KCTD21: variants seen among roughly 807,000 people sequenced by gnomAD.
KCTD21 encodes potassium channel tetramerization domain containing 21.
A neutral mutation model predicts 13.2 loss-of-function variants in KCTD21; 9 were observed. The observed-to-expected ratio is 0.68, with a 90% CI of 0.41 to 1.19. The LOEUF is 1.19. KCTD21 is among the 50% of genes most tolerant of loss of function. The probability of loss-of-function intolerance (pLI) is 0.01; values close to 1 mark genes in which losing one functional copy is unlikely to be tolerated. For synonymous variants in KCTD21, 142 were observed against 137.4 expected (o/e 1.03, Z -0.23); for missense variants, 303 against 336.5 (o/e 0.90, Z 0.78).
intron 1 of KCTD21, among the ~76,000 whole-genome samples, chr11:78,175,746 A>C (rs1191423848): frequency 6.6e-6 from 1 of 151,888 alleles, no homozygotes; most frequent in Admixed American, 6.6e-5. Context: ...TTTAAATTTT[A>C]TTATTATTAA....
chr11:78,182,709 T>G (rs1862666168), intron 1 of KCTD21, among the ~76,000 whole-genome samples: 1 of 152,160 alleles, frequency 6.6e-6, no homozygotes, highest in Non-Finnish European at 1.5e-5. Context: ...ATTCTTGACC[T>G]CAGAGTCATG....
intron 1 of KCTD21, among the ~76,000 whole-genome samples, chr11:78,181,140 A>G (rs1201801615): frequency 6.6e-6 from 1 of 152,202 alleles, no homozygotes; most frequent in South Asian, 2.1e-4. Context: ...TACAGCATAC[A>G]ATTATCACGT....
At chr11:78,188,196 C>T (rs943359134) in intron 1 of KCTD21, 2 of 985,154 alleles carry the variant, frequency 2.0e-6, no homozygotes, top group Non-Finnish European at 2.4e-6. Context: ...TTGTTCCGCA[C>T]CCACTCCCCA....
In KCTD21 at chr11:78,173,895, G is replaced by A. The variant is rs1862359894; in HGVS notation, c.660C>T (p.Phe220=). ...VVPANKQINS[F]QVFVEEVLKI... is the part of the protein sequence containing the mutation. ...TCAGTACCTCTTCCACGAAGACCTG[G>A]AAGCTGTTGATCTGCTTGTTGGCGG... The change falls in exon 2 of 2, where the codon TTC becomes TTT. Residue 220 remains phenylalanine (F), a synonymous_variant. Coordinates refer to ENST00000340067, the MANE Select transcript of KCTD21 (RefSeq NM_001029859.3). 1 of 1,614,064 alleles carries A rather than the reference G, an allele frequency of 6.2e-7. No homozygotes were observed. Among genetic ancestry groups the A allele is most frequent in the African/African-American group, 1.3e-5 (1 of 74,922 alleles).
chr11:78,185,181 A>C (rs1408638374), intron 1 of KCTD21, among the ~76,000 whole-genome samples: 1 of 152,226 alleles, frequency 6.6e-6, no homozygotes, highest in Non-Finnish European at 1.5e-5. Context: ...ACATATCTGT[A>C]ACTTACTTTT....
chr11:78,174,583 C>G lies in KCTD21; in HGVS notation c.-29G>C. Reference sequence around the variant, plus strand: ...AGGAGACTGGGTTGCTGGAAGTAGTCCTGGAGAGGGTGAGAAGTGAGAAAT... The same window carrying G: ...AGGAGACTGGGTTGCTGGAAGTAGTGCTGGAGAGGGTGAGAAGTGAGAAAT... On this transcript the variant is annotated splice_region_variant and 5_prime_UTR_variant, in exon 2 of 2. Transcript: ENST00000340067. 1 of 1,585,792 alleles carries G rather than the reference C, an allele frequency of 6.3e-7. No homozygotes were observed. The highest frequency in any genetic ancestry group is 2.2e-5 in the East Asian group (1 of 44,536).
At chr11:78,181,961 A>T (rs765729748) in intron 1 of KCTD21, among the ~76,000 whole-genome samples, 1 of 152,208 alleles carries the variant, frequency 6.6e-6, no homozygotes, top group African/African-American at 2.4e-5. Context: ...GGATCATGGT[A>T]TCTTCATACT....
chr11:78,182,102 A>C (rs1044181663), intron 1 of KCTD21, among the ~76,000 whole-genome samples: 3 of 152,232 alleles, frequency 2.0e-5, no homozygotes, highest in African/African-American at 7.2e-5. Context: ...TGATATAATA[A>C]GCAATATACA....
At chr11:78,188,024 CTT>C (rs969813772) in intron 1 of KCTD21, 6 of 985,296 alleles carry the variant, frequency 6.1e-6, no homozygotes, top group Admixed American at 1.2e-4. Context: ...GGGATGGACT[CTT>C]TATTTCCAGT....
rs1565379144 is a variant in KCTD21 at position 78,171,789 on chromosome 11, AGAGACGACG to A, written c.*1974_*1982del. On this transcript the variant is annotated 3_prime_UTR_variant, in exon 2 of 2. Transcript: ENST00000340067. ...CCCAGCTAATTTTTGTATTTTTAGC[AGAGACGACG>A]TTTCACCATGTTGGCCAGGCTGGTC... 6.6e-6 allele frequency: 1 copy of A among 152,286 alleles called. No individual in the cohort carries two copies. Among genetic ancestry groups the A allele is most frequent in the African/African-American group, 2.4e-5 (1 of 41,468 alleles). The allele number at this position is 152,286 out of a possible 1,614,324, so 9.4% of individuals were successfully genotyped here. A position where few individuals can be genotyped will look rare whatever the true frequency, so the allele number is the denominator to read the frequency against.
At chr11:78,179,666 C>G (rs897194049) in intron 1 of KCTD21, among the ~76,000 whole-genome samples, 6 of 152,122 alleles carry the variant, frequency 3.9e-5, no homozygotes, top group African/African-American at 1.4e-4. Context: ...GCCCAACCAC[C>G]TTCCTCTTTC....
At chr11:78,187,438 G>A in intron 1 of KCTD21, 1 of 985,370 alleles carries the variant, frequency 1.0e-6, no homozygotes, top group Non-Finnish European at 1.2e-6. Flanking sequence ...CAAAAGGCAG[G>A]AGGAGAGAAA....
intron 1 of KCTD21, among the ~76,000 whole-genome samples, chr11:78,183,648 T>A (rs1862692070): frequency 6.6e-6 from 1 of 151,622 alleles, no homozygotes. Flanking sequence ...TCTTTTTTTT[T>A]TTTTTTGAGA....
Position 78,188,626 on chromosome 11 carries a change from C to T in KCTD21, c.-83G>A. On this transcript the variant is annotated 5_prime_UTR_variant, in exon 1 of 2. Transcript: ENST00000340067. ...TCCGCGAGCGGCCAGCGCAGCTTTGCGAGGGGGGCGGAGGGTAGGAGCCCA... is the reference window on the plus strand; with the variant it reads ...TCCGCGAGCGGCCAGCGCAGCTTTGTGAGGGGGGCGGAGGGTAGGAGCCCA... 1 of 985,472 alleles carries T rather than the reference C, an allele frequency of 1.0e-6. No homozygotes were observed. 61.0% of individuals were successfully genotyped at this position (985,472 alleles called of 1,614,324 possible). A position where few individuals can be genotyped will look rare whatever the true frequency, so the allele number is the denominator to read the frequency against.
chr11:78,186,903 G>C (rs1862793855), intron 1 of KCTD21: 1 of 985,344 alleles, frequency 1.0e-6, no homozygotes, highest in Admixed American at 6.1e-5. Flanking sequence ...GGCTGGGGGT[G>C]CCCCTTTCTA....
rs1301411783 is a variant in KCTD21, at chr11:78,171,772, A to ATT, written c.*1998_*1999dup. On this transcript the variant is annotated 3_prime_UTR_variant, in exon 2 of 2. Coordinates refer to ENST00000340067, the MANE Select transcript of KCTD21 (RefSeq NM_001029859.3). ...AGGCGCCTGTCACCACACCCAGCTA[A>ATT]TTTTTGTATTTTTAGCAGAGACGAC... The ATT allele has an allele frequency of 6.6e-6, 1 of 152,102 alleles. No individual in the cohort carries two copies. Among genetic ancestry groups the ATT allele is most frequent in the Non-Finnish European group, 1.5e-5 (1 of 68,050 alleles). The allele number at this position is 152,102 out of a possible 1,614,324, so 9.4% of individuals were successfully genotyped here.
chr11:78,175,809 C>T (rs986210632), intron 1 of KCTD21, among the ~76,000 whole-genome samples: 7 of 151,828 alleles, frequency 4.6e-5, no homozygotes, highest in African/African-American at 9.7e-5. Context: ...TGTATACATG[C>T]GCCATGCTGG....
Position 78,173,856 on chromosome 11 carries a change from G to A in KCTD21, c.699C>T (p.Ser233=), listed in dbSNP as rs377058404. Residue 233 remains serine (S), a synonymous_variant, in exon 2 of 2, where the codon AGC becomes AGT. Transcript: ENST00000340067. ...GAGAAGAATCGATGCAGAAGCCATC[G>A]CTCAGAGCGATTTTCAGTACCTCTT... is the stretch of plus-strand genomic sequence containing the variant. ...FVEEVLKIAL[S]DGFCIDSSHP... is the part of the protein sequence containing the mutation. 1.2e-4 allele frequency: 194 copies of A among 1,614,148 alleles called. 2 individuals carry two copies. Among genetic ancestry groups the A allele is most frequent in the Middle Eastern group, 6.6e-4 (4 of 6,062 alleles).
chr11:78,171,831 C>T lies in KCTD21; in HGVS notation c.*1941G>A, dbSNP rs776631285. 6.6e-6 allele frequency: 1 copy of T among 152,282 alleles called. No homozygotes were observed. The highest frequency in any genetic ancestry group is 1.5e-5 in the Non-Finnish European group (1 of 68,084). 9.4% of individuals were successfully genotyped at this position (152,282 alleles called of 1,614,324 possible). A position where few individuals can be genotyped will look rare whatever the true frequency, so the allele number is the denominator to read the frequency against. ...ATGTTGGCCAGGCTGGTCTTGAACTCCTGACCTCAAGTGATCTTCCCGCCT... is the reference window on the plus strand; with the variant it reads ...ATGTTGGCCAGGCTGGTCTTGAACTTCTGACCTCAAGTGATCTTCCCGCCT... On this transcript the variant is annotated 3_prime_UTR_variant, in exon 2 of 2. Coordinates refer to ENST00000340067, the MANE Select transcript of KCTD21 (RefSeq NM_001029859.3).
Sources: gnomAD v4.1 joint callset for allele counts (sites outside exome capture counted in the v4.1 genomes callset) on GRCh38, gnomAD v4.1.1 for gene constraint, MANE v1.5 for transcripts, NCBI Gene and HGNC (gene_info 2026-07-23, HGNC 2026-07-21) for gene names.